The following ADGRV1 variants were observed in gnomAD, a reference collection of about 807,000 sequenced individuals.
ADGRV1 encodes adhesion G protein-coupled receptor V1.
Under a neutral mutation model 596.2 loss-of-function variants are expected in ADGRV1, and 359 were observed. The ratio of observed to expected loss-of-function variants is 0.60; its 90% CI spans 0.55 to 0.66. ADGRV1 has a LOEUF of 0.66. Ranked by LOEUF, ADGRV1 falls within the 30% of genes least tolerant of loss-of-function variation. The pLI is 0.00. For missense variants in ADGRV1, 7,274 were observed against 7,575.6 expected (o/e 0.96, Z 1.48); for synonymous variants, 2,681 against 2,679.2 (o/e 1.00, Z -0.02).
intron 21 of ADGRV1, among the ~76,000 whole-genome samples, chr5:90,666,757 C>G (rs1771483525): frequency 6.6e-6 from 1 of 151,338 alleles, no homozygotes; most frequent in African/African-American, 2.4e-5. Context: ...ACCGGTTGTT[C>G]CTTTCCATGT....
At chr5:91,016,469 T>G (rs1783182338) in intron 85 of ADGRV1, among the ~76,000 whole-genome samples, 1 of 152,002 alleles carries the variant, frequency 6.6e-6, no homozygotes, top group Admixed American at 6.6e-5. Context: ...TTAAGCTGAT[T>G]ATTGATTACA....
rs1399572381 is a variant in ADGRV1 at position 91,164,029 on chromosome 5, T to C, written c.*129T>C. On this transcript the variant is annotated 3_prime_UTR_variant, in exon 90 of 90. Coordinates refer to ENST00000405460, the MANE Select transcript of ADGRV1 (RefSeq NM_032119.4). ...TACTGGATGATTAATACAAACGTGA[T>C]TGTTGTATTTGGAGTATAAATTACT... is the stretch of plus-strand genomic sequence containing the variant. The C allele has an allele frequency of 1.4e-6, 1 of 701,814 alleles. No homozygotes were observed. The highest frequency in any genetic ancestry group is 2.6e-6 in the Non-Finnish European group (1 of 384,208). 43.5% of individuals were successfully genotyped at this position (701,814 alleles called of 1,614,324 possible). A position where few individuals can be genotyped will look rare whatever the true frequency, so the allele number is the denominator to read the frequency against.
At chr5:90,628,949 C>G in intron 8 of ADGRV1, 117 bp downstream of exon 8, 1 of 943,808 alleles carries the variant, frequency 1.1e-6, no homozygotes, top group South Asian at 2.1e-5. Context: ...AAAACACTGG[C>G]TTTGCAAATG....
chr5:90,728,984 G>A (rs1275586545), intron 49 of ADGRV1, 51 bp downstream of exon 49: 1 of 1,223,096 alleles, frequency 8.2e-7, no homozygotes, highest in East Asian at 2.4e-5. Flanking sequence ...AAATCATCTA[G>A]CATTCATATG....
chr5:90,730,488 T>C (rs893871233), intron 50 of ADGRV1, among the ~76,000 whole-genome samples: 1 of 152,224 alleles, frequency 6.6e-6, no homozygotes, highest in Non-Finnish European at 1.5e-5. Flanking sequence ...TGAGAATTCT[T>C]CCATCTTCAT....
At chr5:90,735,991 G>T (rs1408613059) in intron 50 of ADGRV1, among the ~76,000 whole-genome samples, 1 of 152,018 alleles carries the variant, frequency 6.6e-6, no homozygotes, top group Non-Finnish European at 1.5e-5. Flanking sequence ...AATTGCTTTG[G>T]CTGGAACTTT....
At chr5:90,777,866 A>G in intron 61 of ADGRV1, 39 bp from the exon 62 acceptor site, 4 of 1,499,276 alleles carry the variant, frequency 2.7e-6, no homozygotes, top group Non-Finnish European at 3.6e-6. Flanking sequence ...AGTACCTTCA[A>G]CTGAAATGTA....
rs1397275695 is a variant in ADGRV1, at chr5:90,590,950, T to G, written c.23-23885T>G. ...TCCCAGTGTCTGTAGTTTTCATAAT[T>G]TTTTTAATTTTTAATTTTTGTGGTT... On this transcript the variant is annotated intron_variant, in intron 1 of 89. Coordinates refer to ENST00000405460, the MANE Select transcript of ADGRV1 (RefSeq NM_032119.4). Among the ~76,000 whole-genome samples the G allele has an allele frequency of 2.6e-5, 4 of 152,204 alleles. No homozygotes were observed. The South Asian group carries it at 8.3e-4, about 31-fold the overall frequency.
chr5:91,123,045 G>C (rs1004602912), intron 87 of ADGRV1, among the ~76,000 whole-genome samples: 1 of 152,142 alleles, frequency 6.6e-6, no homozygotes, highest in South Asian at 2.1e-4. Flanking sequence ...TCTCCACCAT[G>C]CTCCTGGATT....
At chr5:90,846,778 C>T (rs570260299) in intron 78 of ADGRV1, among the ~76,000 whole-genome samples, 15 of 152,326 alleles carry the variant, frequency 9.8e-5, no homozygotes, top group Admixed American at 9.8e-4. Context: ...ACTGCTGGCT[C>T]AGGCAGCCTG....
chr5:90,652,605 T>C, intron 19 of ADGRV1, 42 bp downstream of exon 19: 1 of 1,287,564 alleles, frequency 7.8e-7, no homozygotes, highest in Non-Finnish European at 1.1e-6. Flanking sequence ...CCATGTCTTA[T>C]TTATACTAAA....
chr5:90,721,413 A>C (rs1241215702), intron 45 of ADGRV1, among the ~76,000 whole-genome samples: 1 of 151,898 alleles, frequency 6.6e-6, no homozygotes, highest in African/African-American at 2.4e-5. Context: ...CTAAGACAGG[A>C]GAATGGCGTG....
At chr5:90,839,628 C>G (rs1765262594) in intron 77 of ADGRV1, among the ~76,000 whole-genome samples, 1 of 152,174 alleles carries the variant, frequency 6.6e-6, no homozygotes, top group South Asian at 2.1e-4. Flanking sequence ...ATTATTCTTT[C>G]TGCCTAGAAT....
intron 83 of ADGRV1, among the ~76,000 whole-genome samples, chr5:90,873,186 A>T (rs1768870352): frequency 6.6e-6 from 1 of 152,206 alleles, no homozygotes; most frequent in African/African-American, 2.4e-5. Context: ...TCAGTCACAA[A>T]GACAGGGCAG....
At chr5:90,855,407 TAGAGA>T (rs1766932531) in intron 81 of ADGRV1, among the ~76,000 whole-genome samples, 1 of 152,174 alleles carries the variant, frequency 6.6e-6, no homozygotes. Context: ...TTTTGAATGG[TAGAGA>T]AGAGTGCCTT....
chr5:90,560,709 A>T (rs890817583), intron 1 of ADGRV1, among the ~76,000 whole-genome samples: 24 of 152,298 alleles, frequency 1.6e-4, no homozygotes, highest in Middle Eastern at 3.4e-3. Flanking sequence ...GTGCTGTATC[A>T]GTCTCCATTT....
In ADGRV1 at chr5:90,781,471, A is replaced by C. The variant is rs766456078; in HGVS notation, c.13124A>C (p.Asp4375Ala). The change falls in exon 65 of 90, where the codon GAT (aspartate) becomes GCT (alanine). Residue 4375 changes from aspartate (D) to alanine (A), a missense_variant. By Grantham distance (126) the Asp-to-Ala change is moderately radical. Around this residue, in one of 5 missense-constraint regions of ADGRV1, gnomAD observed 3,643 missense variants for 3,809.2 expected, o/e 0.96. Transcript: ENST00000405460. The stretch of plus-strand genomic sequence containing the variant: ...ATTCAAGAAAATGGACTTCAGATAG[A>C]TCAACCTCCTGAAATAGGAAACATC... Reference protein sequence around the residue: ...FTIQENGLQIDQPPEIGNISI... With the variant: ...FTIQENGLQIAQPPEIGNISI... 6.2e-7 allele frequency: 1 copy of C among 1,609,188 alleles called. No individual in the cohort carries two copies. The highest frequency in any genetic ancestry group is 1.7e-5 in the Admixed American group (1 of 59,406).
At chr5:90,887,405 G>A (rs1482832343) in intron 83 of ADGRV1, among the ~76,000 whole-genome samples, 1 of 151,956 alleles carries the variant, frequency 6.6e-6, no homozygotes, top group Non-Finnish European at 1.5e-5. Context: ...TATTCTCTCA[G>A]TTCATTTTCC....
chr5:91,161,505 T>G (rs1796944533), intron 89 of ADGRV1, among the ~76,000 whole-genome samples: 1 of 110,002 alleles, frequency 9.1e-6, no homozygotes, highest in Non-Finnish European at 2.0e-5. Context: ...GTTGTTTTTG[T>G]TAGTTTTTTT....
Sources: allele counts gnomAD v4.1 joint callset (sites outside exome capture counted in the v4.1 genomes callset), GRCh38; gene constraint gnomAD v4.1.1; regional missense constraint gnomAD v4.1.1; transcripts MANE v1.5; gene names NCBI Gene and HGNC (gene_info 2026-07-23, HGNC 2026-07-21).